AP1M2: variants seen among roughly 807,000 people sequenced by gnomAD.
The protein encoded by AP1M2 is AP-1 complex subunit mu-2.
AP1M2 carries 41 observed loss-of-function variants against 54.6 expected under a neutral mutation model. The observed-to-expected ratio is 0.75, with a 90% CI of 0.59 to 0.97. The LOEUF is 0.97. Among genes scored for constraint, AP1M2 ranks in the 50% least tolerant of loss-of-function variants. AP1M2 has a pLI of 0.00. For missense variants in AP1M2, 507 were observed against 561.2 expected (o/e 0.90, Z 0.98); for synonymous variants, 219 against 215.9 (o/e 1.01, Z -0.13).
chr19:10,574,496 G>A lies in AP1M2; in HGVS notation c.1174-4C>T, dbSNP rs201295124. The A allele has an allele frequency of 2.1e-5, 32 of 1,560,204 alleles. No individual in the cohort carries two copies. The highest frequency in any genetic ancestry group is 2.8e-5 in the Non-Finnish European group (32 of 1,151,950). ...CAATGATCTTCATGTATCGGACCTG[G>A]AAGGGAATGAAAAGAGGTGGTCCAG... On this transcript the variant is annotated splice_region_variant and splice_polypyrimidine_tract_variant and intron_variant, in intron 10 of 11. Transcript: ENST00000250244.
Position 10,583,619 on chromosome 19 carries a change from T to C in AP1M2, c.254A>G (p.Tyr85Cys), listed in dbSNP as rs34276903. ...ANASLVYSFLYKTIEVFCEYF... is the reference protein window; with the variant it reads ...ANASLVYSFLCKTIEVFCEYF... ...GCTAGTACCTACCTCTATTGTCTTATACAGGAAGGAGTACACCAGGGAGGC... is the reference window on the plus strand; with the variant it reads ...GCTAGTACCTACCTCTATTGTCTTACACAGGAAGGAGTACACCAGGGAGGC... The change falls in exon 3 of 12, where the codon TAT becomes TGT. Residue 85 changes from tyrosine (Y) to cysteine (C), a missense_variant. By Grantham distance (194) the Tyr-to-Cys change is radical. Transcript: ENST00000250244. 3.4e-3 allele frequency: 5,441 copies of C among 1,612,554 alleles called. 38 individuals are homozygous for C. The highest frequency in any genetic ancestry group is 3.4e-3 in the Non-Finnish European group (4,031 of 1,178,886).
chr19:10,575,887 C>T lies in AP1M2; in HGVS notation c.1048-858G>A, dbSNP rs534852309. Among the ~76,000 whole-genome samples, 5 of 149,402 alleles carry T rather than the reference C, an allele frequency of 3.3e-5. No individual in the cohort carries two copies. In the East Asian group the frequency reaches 9.8e-4, roughly 29 times the overall value. On this transcript the variant is annotated intron_variant, in intron 9 of 11. Transcript: ENST00000250244. ...GTTCACGCCATTCTCCTGCCTCAGC[C>T]TCCCGGTAGCTGGGACTACAGGCGC...
At chr19:10,581,968 C>T in intron 3 of AP1M2, 90 bp from the exon 4 acceptor site, 1 of 1,404,954 alleles carries the variant, frequency 7.1e-7, no homozygotes, top group Non-Finnish European at 9.4e-7. Flanking sequence ...CCTTGGGAGG[C>T]CAAGGCACGA....
intron 9 of AP1M2, among the ~76,000 whole-genome samples, chr19:10,576,665 C>T (rs2144756531): frequency 6.6e-6 from 1 of 150,596 alleles, no homozygotes. Flanking sequence ...TCCCAAAGTG[C>T]TGGGATTACA....
chr19:10,578,493 G>GAACA (rs948098782), intron 8 of AP1M2, among the ~76,000 whole-genome samples: 28 of 87,440 alleles, frequency 3.2e-4, no homozygotes, highest in Non-Finnish European at 5.0e-4. Context: ...AAAAACAAAC[G>GAACA]AACAAACAAA....
Position 10,585,286 on chromosome 19 carries a change from A to AGAAAGAAAGAAG in AP1M2, c.43-1217_43-1216insCTTCTTTCTTTC, listed in dbSNP as rs1917605655. Among the ~76,000 whole-genome samples, 46 of 58,134 alleles carry AGAAAGAAAGAAG rather than the reference A, an allele frequency of 7.9e-4. 4 individuals are homozygous for AGAAAGAAAGAAG. Among genetic ancestry groups the AGAAAGAAAGAAG allele is most frequent in the East Asian group, 1.7e-3 (6 of 3,484 alleles). 38.1% of individuals were successfully genotyped at this position (58,134 alleles called of 152,430 possible). A position where few individuals can be genotyped will look rare whatever the true frequency, so the allele number is the denominator to read the frequency against. On this transcript the variant is annotated intron_variant, in intron 1 of 11. Coordinates refer to ENST00000250244, the MANE Select transcript of AP1M2 (RefSeq NM_005498.5). ...AAGGAAAGAAAGAAAGAAGAAAAAAAGAAAGAAAGAAAGAAAGAAAGAAAG... is the reference window on the plus strand; with the variant it reads ...AAGGAAAGAAAGAAAGAAGAAAAAAAGAAAGAAAGAAGGAAAGAAAGAAAGAAAGAAAGAAAG...
chr19:10,577,423 CTTTTTTTT>C lies in AP1M2; in HGVS notation c.889-75_889-68del, dbSNP rs386388547. 8.3e-3 allele frequency: 3,088 copies of C among 369,996 alleles called. 20 individuals carry two copies. The highest frequency in any genetic ancestry group is 0.023 in the East Asian group (264 of 11,404). The allele number at this position is 369,996 out of a possible 1,614,324, so 22.9% of individuals were successfully genotyped here. A position where few individuals can be genotyped will look rare whatever the true frequency, so the allele number is the denominator to read the frequency against. On this transcript the variant is annotated intron_variant, in intron 8 of 11. Coordinates refer to ENST00000250244, the MANE Select transcript of AP1M2 (RefSeq NM_005498.5). The stretch of plus-strand genomic sequence containing the variant: ...TCATCCTTCAAATATTTACCAAGCC[CTTTTTTTT>C]TTTTTTTTTTTTTTTTTTTTGAGAC...
Position 10,583,980 on chromosome 19 carries a change from C to T in AP1M2, c.133G>A (p.Ala45Thr), listed in dbSNP as rs780844145. ...CCGTGGCTCAGCAGCGGGGCCAGGG[C>T]GCCTTCCTCCTCCCGCTGTACCAGC... is the stretch of plus-strand genomic sequence containing the variant. ...PLLVQREEEG[A>T]LAPLLSHGQV... is the part of the protein sequence containing the mutation. Residue 45 changes from alanine to threonine, a missense_variant, in exon 2 of 12, where the codon GCC becomes ACC. Transcript: ENST00000250244. The T allele has an allele frequency of 1.5e-5, 24 of 1,605,112 alleles. No individual in the cohort carries two copies. The highest frequency in any genetic ancestry group is 5.3e-5 in the African/African-American group (4 of 74,788).
chr19:10,585,290 A>AGAAAGAAGGAAGGAAG (rs1555753872), intron 1 of AP1M2, among the ~76,000 whole-genome samples: 40 of 82,802 alleles, frequency 4.8e-4, no homozygotes, highest in East Asian at 1.8e-3. Context: ...AAAAAAAGAA[A>AGAAAGAAGGAAGGAAG]GAAAGAAAGA....
chr19:10,586,913 A>G (rs1378229523), intron 1 of AP1M2, among the ~76,000 whole-genome samples: 1 of 152,164 alleles, frequency 6.6e-6, no homozygotes, highest in Non-Finnish European at 1.5e-5. Flanking sequence ...AAAGGCCACT[A>G]TGCTAAGTAG....
chr19:10,578,758 C>T, intron 8 of AP1M2, 134 bp downstream of exon 8: 1 of 576,284 alleles, frequency 1.7e-6, no homozygotes, highest in Non-Finnish European at 3.1e-6. Context: ...CGCCCTGTTG[C>T]CCAGGCTGGT....
chr19:10,581,177 A>G (rs1007544616), intron 6 of AP1M2, 89 bp downstream of exon 6: 98 of 1,503,752 alleles, frequency 6.5e-5, no homozygotes, highest in Non-Finnish European at 8.2e-5. Flanking sequence ...TTATTTCAAA[A>G]CGGGCTGCGA....
At chr19:10,577,073 A>C in intron 9 of AP1M2, 125 bp downstream of exon 9, 1 of 1,094,294 alleles carries the variant, frequency 9.1e-7, no homozygotes, top group Non-Finnish European at 1.3e-6. Flanking sequence ...CATTCCAGTC[A>C]TGAGCCATCA....
Position 10,578,748 on chromosome 19 carries a change from C to T in AP1M2, c.888+144G>A, listed in dbSNP as rs776849935. On this transcript the variant is annotated intron_variant, in intron 8 of 11. Coordinates refer to ENST00000250244, the MANE Select transcript of AP1M2 (RefSeq NM_005498.5). ...TGTATTTTTTGTAGAAACAGGGTTT[C>T]GCCCTGTTGCCCAGGCTGGTCTCAA... The T allele has an allele frequency of 5.7e-4, 303 of 534,864 alleles. 2 individuals are homozygous for T. The Middle Eastern group carries it at 6.6e-3, about 12-fold the overall frequency. 33.1% of individuals were successfully genotyped at this position (534,864 alleles called of 1,614,324 possible).
Position 10,573,034 on chromosome 19 carries a change from C to A in AP1M2, c.*32G>T. On this transcript the variant is annotated 3_prime_UTR_variant, in exon 12 of 12. Transcript: ENST00000250244. ...ATCTGCATCCGGGGCTGTAAGGAAG[C>A]CCCGTGTTCAAGCCCCCATCTCTTC... 1 of 1,556,658 alleles carries A rather than the reference C, an allele frequency of 6.4e-7. No individual in the cohort carries two copies.
At chr19:10,580,281 C>T (rs1285307205) in intron 6 of AP1M2, among the ~76,000 whole-genome samples, 1 of 151,928 alleles carries the variant, frequency 6.6e-6, no homozygotes, top group East Asian at 2.0e-4. Flanking sequence ...AAATTCCCAA[C>T]CTCAGGTGAT....
intron 1 of AP1M2, chr19:10,584,893 C>A: frequency 6.6e-6 from 1 of 150,470 alleles, no homozygotes; most frequent in Non-Finnish European, 1.5e-5. Flanking sequence ...ACTTCATTTG[C>A]ACCAAAGTGG....
chr19:10,577,497 G>A (rs1917282460), intron 8 of AP1M2, 141 bp from the exon 9 acceptor site: 7 of 889,214 alleles, frequency 7.9e-6, no homozygotes, highest in Non-Finnish European at 1.1e-5. Flanking sequence ...GCAGTGGCGC[G>A]ATCTCGGCTG....
chr19:10,587,166 C>T, intron 1 of AP1M2, 24 bp downstream of exon 1: 1 of 1,552,270 alleles, frequency 6.4e-7, no homozygotes, highest in Non-Finnish European at 8.7e-7. Flanking sequence ...TGTCCGTCTC[C>T]CAACTCCTCA....
Sources: allele counts gnomAD v4.1 joint callset (sites outside exome capture counted in the v4.1 genomes callset), GRCh38; gene constraint gnomAD v4.1.1; transcripts MANE v1.5; gene names NCBI Gene and HGNC (gene_info 2026-07-23, HGNC 2026-07-21).